The following IARS1 variants were observed in gnomAD, a reference collection of about 807,000 sequenced individuals.
IARS1 encodes the protein isoleucyl-tRNA synthetase 1.
IARS1 carries 124 observed loss-of-function variants against 168.2 expected under a neutral mutation model. The ratio of observed to expected loss-of-function variants is 0.74; its 90% CI spans 0.64 to 0.86. IARS1 has a LOEUF of 0.86. IARS1 is among the 40% of genes least tolerant of loss of function. The pLI is 0.00. For synonymous variants in IARS1, 532 were observed against 529.4 expected (o/e 1.00, Z -0.07); for missense variants, 1,452 against 1,515.8 (o/e 0.96, Z 0.70).
intron 17 of IARS1, among the ~76,000 whole-genome samples, chr9:92,262,068 TAAAAAAAA>T (rs35738102): frequency 7.0e-6 from 1 of 142,392 alleles, no homozygotes; most frequent in African/African-American, 2.6e-5. Flanking sequence ...AATTTTCAAT[TAAAAAAAA>T]AAAAAAAGTA....
intron 30 of IARS1, among the ~76,000 whole-genome samples, chr9:92,236,676 C>T (rs977810663): frequency 3.3e-5 from 5 of 152,040 alleles, no homozygotes; most frequent in Admixed American, 6.6e-5. Flanking sequence ...GGTGAAACCC[C>T]GTCTCTACAA....
In IARS1 at chr9:92,291,631, G is replaced by C. The variant is rs922739516; in HGVS notation, c.-8+1980C>G. Among the ~76,000 whole-genome samples, 8 of 152,150 alleles carry C rather than the reference G, an allele frequency of 5.3e-5. No individual in the cohort carries two copies. The South Asian group carries it at 6.2e-4, about 12-fold the overall frequency. Reference sequence around the variant, plus strand: ...TCTTCAACTCTTATTATAACCTCTAGCCTTTCAAGGACCAAAATAAGTGTT... The same window carrying C: ...TCTTCAACTCTTATTATAACCTCTACCCTTTCAAGGACCAAAATAAGTGTT... On this transcript the variant is annotated intron_variant, in intron 1 of 33. Transcript: ENST00000443024.
intron 14 of IARS1, 77 bp downstream of exon 14, chr9:92,268,097 C>A: frequency 6.9e-7 from 1 of 1,456,694 alleles, no homozygotes; most frequent in Non-Finnish European, 9.1e-7. Context: ...ACACCCTATT[C>A]TTTTAAACCA....
At chr9:92,270,916 G>A in intron 12 of IARS1, 69 bp downstream of exon 12, 2 of 1,006,734 alleles carry the variant, frequency 2.0e-6, no homozygotes, top group South Asian at 1.8e-5. Context: ...AAGATGGAAT[G>A]GGCACATATA....
chr9:92,243,538 T>G (rs1828754794), intron 27 of IARS1: 1 of 415,270 alleles, frequency 2.4e-6, no homozygotes. Context: ...TTTCTTGTTT[T>G]TTTGTAGGGT....
Position 92,271,054 on chromosome 9 carries a change from C to T in IARS1, c.1136G>A (p.Arg379Lys), listed in dbSNP as rs369189555. 8 of 1,607,350 alleles carry T rather than the reference C, an allele frequency of 5.0e-6. No individual in the cohort carries two copies. In the African/African-American group the frequency reaches 5.4e-5, roughly 11 times the overall value. Residue 379 changes from arginine (R) to lysine (K), a missense_variant, in exon 12 of 34, where the codon AGG (arginine) becomes AAG (lysine). Arg to Lys is a conservative substitution (Grantham distance 26). Transcript: ENST00000443024. Reference sequence around the variant, plus strand: ...AAGTCGGCCTTGTTCCTTCAAAGTCCTGATGATACTTTTGTCAGCATCCTA... The same window carrying T: ...AAGTCGGCCTTGTTCCTTCAAAGTCTTGATGATACTTTTGTCAGCATCCTA... The part of the protein sequence containing the change: ...YVKDADKSII[R>K]TLKEQGRLLV...
At chr9:92,251,770 T>C (rs759837526) in intron 22 of IARS1, 38 bp downstream of exon 22, 3 of 1,513,094 alleles carry the variant, frequency 2.0e-6, no homozygotes, top group South Asian at 1.1e-5. Context: ...AGGCAGCCCA[T>C]AGGCCAAAGG....
intron 21 of IARS1, among the ~76,000 whole-genome samples, chr9:92,252,764 C>CAA (rs34983021): frequency 0.11 from 3,116 of 27,258 alleles, 1,008 homozygotes; most frequent in East Asian, 0.22. Flanking sequence ...AACTCCTTCT[C>CAA]AAAAAAAAAA....
intron 9 of IARS1, 110 bp from the exon 10 acceptor site, chr9:92,274,631 A>G (rs1833546933): frequency 1.5e-6 from 1 of 654,074 alleles, no homozygotes; most frequent in Non-Finnish European, 2.7e-6. Flanking sequence ...CGGTAAAATT[A>G]TTTTCAGAAA....
At chr9:92,287,078 G>A (rs1366780918) in intron 4 of IARS1, among the ~76,000 whole-genome samples, 2 of 152,188 alleles carry the variant, frequency 1.3e-5, no homozygotes, top group African/African-American at 4.8e-5. Context: ...CCATCAATGT[G>A]ACATAGCCGC....
At chr9:92,224,717 T>C (rs1299928552) in intron 31 of IARS1, among the ~76,000 whole-genome samples, 1 of 152,092 alleles carries the variant, frequency 6.6e-6, no homozygotes, top group Non-Finnish European at 1.5e-5. Flanking sequence ...TCTGTACTCC[T>C]AGTTACTTTG....
chr9:92,238,567 C>T (rs771680260), intron 30 of IARS1, among the ~76,000 whole-genome samples: 1 of 152,196 alleles, frequency 6.6e-6, no homozygotes, highest in Non-Finnish European at 1.5e-5. Flanking sequence ...TCTCATACAG[C>T]CTGCAGAGCT....
intron 33 of IARS1, among the ~76,000 whole-genome samples, chr9:92,215,922 C>T (rs183143844): frequency 0.03 from 4,613 of 151,436 alleles, 105 homozygotes; most frequent in South Asian, 0.079. Flanking sequence ...ATACAGAGAA[C>T]GCCACAAAGA....
intron 33 of IARS1, 78 bp downstream of exon 33, chr9:92,222,442 T>C: frequency 6.2e-6 from 7 of 1,120,820 alleles, no homozygotes; most frequent in Non-Finnish European, 9.3e-6. Context: ...ATCTTACATG[T>C]ATATGCTACA....
chr9:92,278,889 CACTT>C, intron 7 of IARS1, among the ~76,000 whole-genome samples: 1 of 152,258 alleles, frequency 6.6e-6, no homozygotes, highest in East Asian at 1.9e-4. Context: ...AGTTGACAGA[CACTT>C]AAATTGCTTT....
At position 92,247,547 on chromosome 9, in the gene IARS1, A is replaced by G. The variant is rs1461402139; in HGVS notation, c.2621T>C (p.Leu874Pro). 1.1e-5 allele frequency: 17 copies of G among 1,611,964 alleles called. No individual in the cohort carries two copies. The highest frequency in any genetic ancestry group is 1.4e-5 in the Non-Finnish European group (17 of 1,179,396). ...KSLEKYIIEE[L>P]NVRKVTLSTD... Reference sequence around the variant, plus strand: ...AGACAGTGTAACTTTTCGAACATTGAGTTCCTACAGTTAATGCACAAGAGG... The same window carrying G: ...AGACAGTGTAACTTTTCGAACATTGGGTTCCTACAGTTAATGCACAAGAGG... Residue 874 changes from leucine (L) to proline (P), a missense_variant, in exon 26 of 34, where the codon CTC (leucine) becomes CCC (proline). Coordinates refer to ENST00000443024, the MANE Select transcript of IARS1 (RefSeq NM_002161.6).
chr9:92,225,574 A>ATTTT lies in IARS1; in HGVS notation c.3410-2089_3410-2086dup, dbSNP rs35209758. Reference sequence around the variant, plus strand: ...AGTACAAGAAAGAGTTAAAAGTGTGATTTTTTTTTTTTTTTTAATCTACTA... The same window carrying ATTTT: ...AGTACAAGAAAGAGTTAAAAGTGTGATTTTTTTTTTTTTTTTTTTTAATCTACTA... On this transcript the variant is annotated intron_variant, in intron 31 of 33. Coordinates refer to ENST00000443024, the MANE Select transcript of IARS1 (RefSeq NM_002161.6). Among the ~76,000 whole-genome samples the ATTTT allele has an allele frequency of 7.4e-3, 1,061 of 144,252 alleles. 12 individuals are homozygous for ATTTT. The highest frequency in any genetic ancestry group is 0.019 in the African/African-American group (718 of 38,626). 94.6% of individuals were successfully genotyped at this position (144,252 alleles called of 152,430 possible).
chr9:92,241,084 A>C, intron 29 of IARS1, 123 bp from the exon 30 acceptor site: 1 of 576,260 alleles, frequency 1.7e-6, no homozygotes, highest in South Asian at 2.5e-5. Flanking sequence ...AACATATTCA[A>C]TCTCATTACT....
At chr9:92,266,022 C>T (rs974670984) in intron 14 of IARS1, among the ~76,000 whole-genome samples, 3 of 152,142 alleles carry the variant, frequency 2.0e-5, no homozygotes, top group African/African-American at 7.2e-5. Context: ...GCTAATGTGG[C>T]TTCTCTCTCA....
Sources: gnomAD v4.1 joint callset for allele counts (sites outside exome capture counted in the v4.1 genomes callset) on GRCh38, gnomAD v4.1.1 for gene constraint, MANE v1.5 for transcripts, NCBI Gene and HGNC (gene_info 2026-07-23, HGNC 2026-07-21) for gene names.